The following NAALADL2 variants were observed in gnomAD, a reference collection of about 807,000 sequenced individuals.
The protein encoded by NAALADL2 is inactive N-acetylated-alpha-linked acidic dipeptidase-like protein 2.
NAALADL2 carries 76 observed loss-of-function variants against 87.2 expected under a neutral mutation model. The ratio of observed to expected loss-of-function variants is 0.87; its 90% CI spans 0.72 to 1.05. The LOEUF (loss-of-function observed/expected upper bound fraction) is 1.05, where lower values mean the gene tolerates loss of function less well. Ranked by LOEUF, NAALADL2 falls within the 50% of genes least tolerant of loss-of-function variation. NAALADL2 has a pLI of 0.00. For synonymous variants in NAALADL2, 354 were observed against 331.0 expected (o/e 1.07, Z -0.75); for missense variants, 1,089 against 945.8 (o/e 1.15, Z -1.99).
chr3:175,447,404 A>C, intron 6 of NAALADL2, 32 bp downstream of exon 6: 1 of 1,471,864 alleles, frequency 6.8e-7, no homozygotes. Flanking sequence ...TCTGTATTTT[A>C]CAGTTTTTTT....
At chr3:174,582,589 CT>C (rs1210581800) in intron 2 of NAALADL2, among the ~76,000 whole-genome samples, 1 of 151,044 alleles carries the variant, frequency 6.6e-6, no homozygotes, top group South Asian at 2.1e-4. Context: ...GACTTCATTT[CT>C]TTTTTTTTGG....
chr3:175,492,572 G>A (rs145240589), intron 9 of NAALADL2, among the ~76,000 whole-genome samples: 25 of 152,198 alleles, frequency 1.6e-4, no homozygotes, highest in Middle Eastern at 3.4e-3. Flanking sequence ...AACAGTACCC[G>A]GAGCGAAGCC....
intron 2 of NAALADL2, among the ~76,000 whole-genome samples, chr3:175,206,306 A>ATATGTG (rs1740889372): frequency 7.9e-6 from 1 of 125,978 alleles, no homozygotes; most frequent in Non-Finnish European, 1.6e-5. Flanking sequence ...GTATATATAT[A>ATATGTG]TATATACACA....
At chr3:174,674,513 T>G (rs971914024) in intron 2 of NAALADL2, among the ~76,000 whole-genome samples, 1 of 152,060 alleles carries the variant, frequency 6.6e-6, no homozygotes, top group Admixed American at 6.6e-5. Flanking sequence ...CTCTTCCTTT[T>G]TTTTTTCCAC....
chr3:175,642,333 T>C (rs1038040368), intron 11 of NAALADL2, among the ~76,000 whole-genome samples: 5 of 152,196 alleles, frequency 3.3e-5, no homozygotes, highest in African/African-American at 1.2e-4. Context: ...TTCAAGAATG[T>C]AAAATAATGC....
chr3:175,194,840 G>C (rs1234672034), intron 2 of NAALADL2, among the ~76,000 whole-genome samples: 1 of 151,626 alleles, frequency 6.6e-6, no homozygotes, highest in African/African-American at 2.4e-5. Flanking sequence ...ATAATACTAA[G>C]AGTATCAAAT....
chr3:174,890,500 C>T (rs1730732589), intron 1 of NAALADL2, among the ~76,000 whole-genome samples: 1 of 151,650 alleles, frequency 6.6e-6, no homozygotes, highest in East Asian at 1.9e-4. Context: ...TTTTTAGAGG[C>T]AAAAAGAAGT....
intron 4 of NAALADL2, among the ~76,000 whole-genome samples, chr3:175,267,297 C>T (rs78342114): frequency 0.034 from 5,189 of 152,030 alleles, 149 homozygotes; most frequent in Middle Eastern, 0.085. Flanking sequence ...AAATTGTGTG[C>T]TCTAATTGAT....
chr3:175,287,975 CACT>C (rs1481109286), intron 4 of NAALADL2, among the ~76,000 whole-genome samples: 3 of 152,134 alleles, frequency 2.0e-5, no homozygotes, highest in Admixed American at 6.5e-5. Context: ...TTGTTTATTT[CACT>C]ACTAACATTG....
chr3:175,394,999 G>T (rs2149034992), intron 5 of NAALADL2, among the ~76,000 whole-genome samples: 1 of 151,718 alleles, frequency 6.6e-6, no homozygotes, highest in African/African-American at 2.4e-5. Context: ...CTTATCTTTG[G>T]CATGTCACAA....
In NAALADL2 at chr3:174,775,051, G is replaced by A. The variant is rs185858376; in HGVS notation, c.-9+37305G>A. 1.1e-3 allele frequency among the ~76,000 whole-genome samples: 169 copies of A among 152,114 alleles called. 1 individual carries two copies. The highest frequency in any genetic ancestry group is 1.6e-3 in the Non-Finnish European group (106 of 68,010). On this transcript the variant is annotated intron_variant, in intron 3 of 3. Transcript: ENST00000434257. ...CACAGTTCCTGAGTGCCACTGTTAT[G>A]AGTATAATCTGTTTAGAAAAATAGG...
chr3:174,804,748 C>T lies in NAALADL2; in HGVS notation c.-9+67002C>T, dbSNP rs1019582703. On this transcript the variant is annotated intron_variant, in intron 3 of 3. Coordinates refer to the NAALADL2 transcript ENST00000434257. ...AGAACATTTTGAATAAATCTAAAAT[C>T]TATACAGTAAAAAAGTAGGGTTGAA... Among the ~76,000 whole-genome samples the T allele has an allele frequency of 3.9e-5, 6 of 152,172 alleles. No homozygotes were observed. The South Asian group carries it at 6.2e-4, about 16-fold the overall frequency.
rs772447340 is a variant in NAALADL2 at position 174,794,981 on chromosome 3, CTTTTTTTT to C, written c.-9+57255_-9+57262del. ...TTAAAAGTTGAAACTTCTAGTCCAG[CTTTTTTTT>C]TTTTTTTTTTTTTTTTTTTGAGACA... is the stretch of plus-strand genomic sequence containing the variant. On this transcript the variant is annotated intron_variant, in intron 3 of 3. Coordinates refer to the NAALADL2 transcript ENST00000434257. Among the ~76,000 whole-genome samples, 137 of 66,704 alleles carry C rather than the reference CTTTTTTTT, an allele frequency of 2.1e-3. 1 individual carries two copies. Among genetic ancestry groups the C allele is most frequent in the Middle Eastern group, 0.015 (1 of 68 alleles). The allele number at this position is 66,704 out of a possible 152,430, so 43.8% of individuals were successfully genotyped here.
chr3:175,784,239 C>T (rs1392687151), intron 13 of NAALADL2, among the ~76,000 whole-genome samples: 6 of 149,940 alleles, frequency 4.0e-5, no homozygotes, highest in Admixed American at 2.0e-4. Flanking sequence ...GGGAGGATTC[C>T]CTCTTTTTCT....
At chr3:175,687,672 G>A (rs1035691360) in intron 11 of NAALADL2, among the ~76,000 whole-genome samples, 5 of 152,166 alleles carry the variant, frequency 3.3e-5, no homozygotes, top group Non-Finnish European at 7.4e-5. Flanking sequence ...CAAATCTCAT[G>A]TTGAAATGTT....
intron 5 of NAALADL2, among the ~76,000 whole-genome samples, chr3:175,397,833 T>A (rs938833046): frequency 6.6e-6 from 1 of 152,158 alleles, no homozygotes; most frequent in African/African-American, 2.4e-5. Context: ...AGAGAAGTGA[T>A]GCATTAATTT....
At chr3:175,558,046 T>G (rs1715581146) in intron 9 of NAALADL2, among the ~76,000 whole-genome samples, 1 of 151,044 alleles carries the variant, frequency 6.6e-6, no homozygotes, top group Admixed American at 6.6e-5. Context: ...TACAAAAAAC[T>G]TAGCCGGGCG....
intron 9 of NAALADL2, among the ~76,000 whole-genome samples, chr3:175,479,749 G>C (rs1447614030): frequency 6.6e-6 from 1 of 151,686 alleles, no homozygotes; most frequent in Non-Finnish European, 1.5e-5. Context: ...AACCTGACAT[G>C]AATCTCTCCA....
chr3:175,674,576 T>A (rs1198215635), intron 11 of NAALADL2, among the ~76,000 whole-genome samples: 1 of 152,168 alleles, frequency 6.6e-6, no homozygotes, highest in Non-Finnish European at 1.5e-5. Flanking sequence ...AGTTTGTTTT[T>A]AAAATTGAGA....
Sources: gnomAD v4.1 joint callset for allele counts (sites outside exome capture counted in the v4.1 genomes callset) on GRCh38, gnomAD v4.1.1 for gene constraint, MANE v1.5 for transcripts, NCBI Gene and HGNC (gene_info 2026-07-23, HGNC 2026-07-21) for gene names.